The following TBCK variants were observed in gnomAD, a reference collection of about 807,000 sequenced individuals.
TBCK encodes TBC domain-containing protein kinase-like protein.
In TBCK, 99 loss-of-function variants were observed where a neutral mutation model predicts 113.4. That is an observed-to-expected ratio of 0.87 (90% confidence interval 0.74 to 1.03). The LOEUF (loss-of-function observed/expected upper bound fraction) is 1.03, where lower values mean the gene tolerates loss of function less well. Among genes scored for constraint, TBCK ranks in the 50% least tolerant of loss-of-function variants. The probability of loss-of-function intolerance (pLI) is 0.00; values close to 1 mark genes in which losing one functional copy is unlikely to be tolerated. For missense variants in TBCK, 1,045 were observed against 1,061.3 expected (o/e 0.98, Z 0.21); for synonymous variants, 369 against 370.8 (o/e 1.00, Z 0.05).
intron 25 of TBCK, among the ~76,000 whole-genome samples, chr4:106,094,659 C>G (rs1474770467): frequency 6.6e-6 from 1 of 152,178 alleles, no homozygotes; most frequent in African/African-American, 2.4e-5. Flanking sequence ...CCTGGCCTTT[C>G]TCTTTGTCCC....
chr4:106,294,985 T>C, intron 3 of TBCK, 109 bp downstream of exon 3: 1 of 790,336 alleles, frequency 1.3e-6, no homozygotes, highest in Non-Finnish European at 2.0e-6. Flanking sequence ...CACCTACCTT[T>C]ATCATTAAAC....
At chr4:106,262,382 A>AT (rs1458991705) in intron 3 of TBCK, among the ~76,000 whole-genome samples, 170 bp from the exon 4 acceptor site, 1 of 152,044 alleles carries the variant, frequency 6.6e-6, no homozygotes, top group East Asian at 1.9e-4. Context: ...ACCTCTACAT[A>AT]TTTTAGGTTT....
intron 14 of TBCK, among the ~76,000 whole-genome samples, chr4:106,236,019 AT>A (rs1449467689): frequency 1.3e-5 from 2 of 151,898 alleles, no homozygotes; most frequent in Non-Finnish European, 2.9e-5. Context: ...TTTAATTTGT[AT>A]TTTTTTCATT....
intron 19 of TBCK, among the ~76,000 whole-genome samples, chr4:106,219,388 AT>A (rs1281113212): frequency 6.6e-6 from 1 of 151,654 alleles, no homozygotes. Context: ...AAATAAAAAA[AT>A]AAAAAATAAA....
chr4:106,248,217 G>C, intron 9 of TBCK, 28 bp downstream of exon 9: 1 of 1,506,110 alleles, frequency 6.6e-7, no homozygotes, highest in Middle Eastern at 1.8e-4. Flanking sequence ...GGATCTCAAT[G>C]TAATCCCAAT....
At chr4:106,064,063 G>T (rs551257951) in intron 25 of TBCK, among the ~76,000 whole-genome samples, 1 of 151,978 alleles carries the variant, frequency 6.6e-6, no homozygotes, top group South Asian at 2.1e-4. Context: ...AGCCGGGAGA[G>T]GGGGGAAAAG....
intron 3 of TBCK, among the ~76,000 whole-genome samples, chr4:106,266,422 T>C (rs1308672514): frequency 1.3e-5 from 2 of 151,832 alleles, no homozygotes; most frequent in African/African-American, 4.8e-5. Context: ...GTCTTTCTCA[T>C]GAAATTAAAG....
At chr4:106,247,014 T>A in intron 10 of TBCK, 125 bp downstream of exon 10, 2 of 975,856 alleles carry the variant, frequency 2.0e-6, no homozygotes, top group East Asian at 5.4e-5. Context: ...ACTTCCAGAA[T>A]TGTCTCTTAA....
chr4:106,196,528 G>T (rs1245450511), intron 20 of TBCK, among the ~76,000 whole-genome samples: 1 of 151,924 alleles, frequency 6.6e-6, no homozygotes, highest in East Asian at 1.9e-4. Context: ...CTATCAAGAT[G>T]ACAGTCAAGA....
At chr4:106,201,953 C>G (rs1162558352) in intron 20 of TBCK, among the ~76,000 whole-genome samples, 1 of 151,912 alleles carries the variant, frequency 6.6e-6, no homozygotes, top group Non-Finnish European at 1.5e-5. Context: ...TACAGACATT[C>G]CAGAAAAGAA....
chr4:106,220,107 T>C (rs1261298039), intron 19 of TBCK, among the ~76,000 whole-genome samples: 1 of 152,332 alleles, frequency 6.6e-6, no homozygotes, highest in East Asian at 1.9e-4. Context: ...ATGAATTTTA[T>C]AGATAACATG....
chr4:106,060,251 A>G (rs1439515858), intron 25 of TBCK, among the ~76,000 whole-genome samples: 2 of 151,818 alleles, frequency 1.3e-5, no homozygotes, highest in African/African-American at 2.4e-5. Context: ...AGAAGATGCC[A>G]TCTAGGGCTT....
intron 20 of TBCK, among the ~76,000 whole-genome samples, chr4:106,212,070 T>C (rs967487237): frequency 2.6e-5 from 4 of 152,094 alleles, no homozygotes; most frequent in Non-Finnish European, 4.4e-5. Flanking sequence ...AGAAAACAAT[T>C]TCCTTTGCAC....
intron 3 of TBCK, among the ~76,000 whole-genome samples, chr4:106,282,142 A>T (rs1764660661): frequency 6.6e-6 from 1 of 152,012 alleles, no homozygotes; most frequent in Non-Finnish European, 1.5e-5. Context: ...GGTAGGTTGC[A>T]TGTGTCTAGC....
intron 12 of TBCK, among the ~76,000 whole-genome samples, chr4:106,240,752 T>A (rs1760017927): frequency 1.3e-5 from 2 of 152,008 alleles, no homozygotes; most frequent in African/African-American, 4.8e-5. Flanking sequence ...ATGTGTAAGC[T>A]GAATTGTAGT....
chr4:106,123,039 G>C (rs925279422), intron 23 of TBCK, among the ~76,000 whole-genome samples: 7 of 152,190 alleles, frequency 4.6e-5, no homozygotes, highest in Non-Finnish European at 8.8e-5. Context: ...AATTAGGCAG[G>C]AGAAAGAAAT....
intron 25 of TBCK, among the ~76,000 whole-genome samples, chr4:106,048,848 C>T (rs1734494157): frequency 1.3e-5 from 2 of 152,086 alleles, no homozygotes. Context: ...CAGGCTGCTA[C>T]TGAGCTGGAA....
At chr4:106,276,383 G>A (rs1764027872) in intron 3 of TBCK, among the ~76,000 whole-genome samples, 1 of 152,194 alleles carries the variant, frequency 6.6e-6, no homozygotes, top group Non-Finnish European at 1.5e-5. Context: ...AGTAACCACA[G>A]AAGAAAAATT....
At chr4:106,171,044 T>C in intron 23 of TBCK, 51 bp downstream of exon 23, 1 of 1,448,882 alleles carries the variant, frequency 6.9e-7, no homozygotes, top group Non-Finnish European at 9.3e-7. Context: ...TATATTAATT[T>C]TAACATCCAT....
Sources: gnomAD v4.1 joint callset for allele counts (sites outside exome capture counted in the v4.1 genomes callset) on GRCh38, gnomAD v4.1.1 for gene constraint, MANE v1.5 for transcripts, NCBI Gene and HGNC (gene_info 2026-07-23, HGNC 2026-07-21) for gene names.